Variants in ANKS6 observed in about 807,000 individuals in gnomAD.
ANKS6 encodes ankyrin repeat and SAM domain-containing protein 6.
In ANKS6, 47 loss-of-function variants were observed where a neutral mutation model predicts 77.9. That is an observed-to-expected ratio of 0.60 (90% CI 0.48 to 0.77). The LOEUF (loss-of-function observed/expected upper bound fraction) is 0.77. ANKS6 is among the 30% of genes least tolerant of loss of function. The pLI, the probability that ANKS6 is intolerant of heterozygous loss-of-function variation, is 0.00. For synonymous variants in ANKS6, 488 were observed against 501.7 expected (o/e 0.97, Z 0.37); for missense variants, 1,150 against 1,159.1 (o/e 0.99, Z 0.11).
chr9:98,796,235 G>T lies in ANKS6; in HGVS notation c.257C>A (p.Ala86Glu). The stretch of plus-strand genomic sequence containing the variant: ...CACCAGCGGTTCGTGGCCCCCGGCC[G>T]CGGCGAACTGCAGTGCGGTGTTGCC... ...EAGNTALQFA[A>E]AGGHEPLVRF... is the part of the protein sequence containing the mutation. Residue 86 changes from alanine (A) to glutamate (E), a missense_variant, in exon 1 of 15, where the codon GCG becomes GAG. Ala to Glu is a moderately radical substitution (Grantham distance 107). Coordinates refer to ENST00000353234, the MANE Select transcript of ANKS6 (RefSeq NM_173551.5). The T allele has an allele frequency of 2.1e-6, 3 of 1,405,714 alleles. No individual in the cohort carries two copies. Among genetic ancestry groups the T allele is most frequent in the African/African-American group, 1.5e-5 (1 of 67,388 alleles). 87.1% of individuals were successfully genotyped at this position (1,405,714 alleles called of 1,614,324 possible). A position where few individuals can be genotyped will look rare whatever the true frequency, so the allele number is the denominator to read the frequency against.
intron 11 of ANKS6, among the ~76,000 whole-genome samples, chr9:98,763,078 G>A (rs1398768274): frequency 6.6e-6 from 1 of 152,038 alleles, no homozygotes; most frequent in Non-Finnish European, 1.5e-5. Context: ...AGAACAAGTA[G>A]AGAGAAAATC....
chr9:98,774,758 C>T (rs1833834421), intron 8 of ANKS6, among the ~76,000 whole-genome samples: 1 of 152,252 alleles, frequency 6.6e-6, no homozygotes, highest in Non-Finnish European at 1.5e-5. Flanking sequence ...AGTATAAAAT[C>T]TACACAGTAA....
At chr9:98,770,559 G>A (rs186924627) in intron 10 of ANKS6, among the ~76,000 whole-genome samples, 1 of 152,192 alleles carries the variant, frequency 6.6e-6, no homozygotes, top group Admixed American at 6.5e-5. Context: ...GCTCAATGAA[G>A]GGGCAGAATG....
chr9:98,736,132 T>C lies in ANKS6; in HGVS notation c.*387A>G. On this transcript the variant is annotated 3_prime_UTR_variant, in exon 15 of 15. Transcript: ENST00000353234. Reference sequence around the variant, plus strand: ...AGGACGTGAGCAGGAGTGATGTGTGTCAGTTAAGAGCAAGGCAGGTAAGAA... The same window carrying C: ...AGGACGTGAGCAGGAGTGATGTGTGCCAGTTAAGAGCAAGGCAGGTAAGAA... 1 of 1,149,574 alleles carries C rather than the reference T, an allele frequency of 8.7e-7. No homozygotes were observed. The highest frequency in any genetic ancestry group is 1.1e-6 in the Non-Finnish European group (1 of 933,482). 71.2% of individuals were successfully genotyped at this position (1,149,574 alleles called of 1,614,324 possible).
rs566673265 is a variant in ANKS6 at position 98,770,362 on chromosome 9, C to T, written c.1972+534G>A. Among the ~76,000 whole-genome samples, 3 of 152,268 alleles carry T rather than the reference C, an allele frequency of 2.0e-5. No individual in the cohort carries two copies. In the East Asian group the frequency reaches 5.8e-4, roughly 29 times the overall value. ...TATGTCTTTATTAGCAGCGTGAGAA[C>T]AGACTAATACAGTGGCCTTCCTGCA... On this transcript the variant is annotated intron_variant, in intron 10 of 14. Coordinates refer to ENST00000353234, the MANE Select transcript of ANKS6 (RefSeq NM_173551.5).
chr9:98,767,635 A>G (rs1833373387), intron 11 of ANKS6, among the ~76,000 whole-genome samples: 1 of 152,360 alleles, frequency 6.6e-6, no homozygotes, highest in Non-Finnish European at 1.5e-5. Flanking sequence ...AACAAAGACC[A>G]CTAAGAACGC....
rs1482462757 is a variant in ANKS6, at chr9:98,749,457, C to CG, written c.2394+1571dup. Among the ~76,000 whole-genome samples, 16 of 152,338 alleles carry CG rather than the reference C, an allele frequency of 1.1e-4. No homozygotes were observed. The Middle Eastern group carries it at 0.017, about 162-fold the overall frequency. ...CTGTACGTCAGCTGAAACATACCCC[C>CG]GTTCCCTACGCTGGACAACCACAAC... On this transcript the variant is annotated intron_variant, in intron 13 of 14. Transcript: ENST00000353234.
In ANKS6 at chr9:98,790,430, T is replaced by G; in HGVS notation, c.536A>C (p.Gln179Pro). The change falls in exon 2 of 15, where the codon CAA becomes CCA. Residue 179 changes from glutamine to proline, a missense_variant. Coordinates refer to ENST00000353234, the MANE Select transcript of ANKS6 (RefSeq NM_173551.5). ...ATCCCTGCTGCCGCCCAACCCCAGT[T>G]GCTCGCCTGAAGGGTGGTGATGGTC... Reference protein sequence around the residue: ...FVDHHHPSGEQLGLGGSRDEP... With the variant: ...FVDHHHPSGEPLGLGGSRDEP... 6.2e-7 allele frequency: 1 copy of G among 1,613,774 alleles called. No individual in the cohort carries two copies. The highest frequency in any genetic ancestry group is 8.5e-7 in the Non-Finnish European group (1 of 1,180,006).
At chr9:98,772,292 C>T (rs1280580874) in intron 9 of ANKS6, among the ~76,000 whole-genome samples, 1 of 152,170 alleles carries the variant, frequency 6.6e-6, no homozygotes, top group East Asian at 1.9e-4. Context: ...AGCAATGTGA[C>T]CACGGAGGCC....
intron 11 of ANKS6, among the ~76,000 whole-genome samples, chr9:98,762,723 G>A (rs1833082242): frequency 6.6e-6 from 1 of 152,136 alleles, no homozygotes; most frequent in South Asian, 2.1e-4. Context: ...TTCCTGGGAT[G>A]AACCCCACTT....
intron 11 of ANKS6, among the ~76,000 whole-genome samples, chr9:98,767,341 C>T (rs1264582640): frequency 2.0e-5 from 3 of 152,118 alleles, no homozygotes; most frequent in Admixed American, 6.5e-5. Context: ...TGCACCAACA[C>T]CCCTGGCCCA....
chr9:98,783,801 C>T (rs557838913), intron 4 of ANKS6, 152 bp downstream of exon 4: 12 of 508,002 alleles, frequency 2.4e-5, no homozygotes, highest in Non-Finnish European at 2.7e-5. Context: ...GAGCCTGTGC[C>T]GCTTTTTTTT....
chr9:98,784,026 C>G lies in ANKS6; in HGVS notation c.1039G>C (p.Glu347Gln). Residue 347 changes from glutamate to glutamine, a missense_variant, in exon 4 of 15, where the codon GAG (glutamate) becomes CAG (glutamine). Coordinates refer to ENST00000353234, the MANE Select transcript of ANKS6 (RefSeq NM_173551.5). The stretch of plus-strand genomic sequence containing the variant: ...TGCTTGTCAACATCCGCGTGCCTCT[C>G]CACCAGCAGCTGCACCAGAGCCAGC... ...GQLALVQLLV[E>Q]RHADVDKQDS... The G allele has an allele frequency of 1.2e-6, 2 of 1,611,498 alleles. 1 individual carries two copies. The highest frequency in any genetic ancestry group is 2.2e-5 in the South Asian group (2 of 90,346).
At chr9:98,789,020 T>C (rs949343768) in intron 2 of ANKS6, among the ~76,000 whole-genome samples, 5 of 151,998 alleles carry the variant, frequency 3.3e-5, no homozygotes, top group African/African-American at 4.8e-5. Context: ...CTTGTTCTGA[T>C]TGGATGGTGT....
rs537321243 is a variant in ANKS6, at chr9:98,773,479, T to TA, written c.1821+397dup. On this transcript the variant is annotated intron_variant, in intron 9 of 14. Transcript: ENST00000353234. The stretch of plus-strand genomic sequence containing the variant: ...ACTCTTGGGCACAAGAAAACACCAG[T>TA]AGCACACAGAGTTGCCGCTGAGTGT... Among the ~76,000 whole-genome samples, 28 of 152,292 alleles carry TA rather than the reference T, an allele frequency of 1.8e-4. No homozygotes were observed. The East Asian group carries it at 5.4e-3, about 29-fold the overall frequency.
At chr9:98,774,408 G>T (rs1833812320) in intron 8 of ANKS6, among the ~76,000 whole-genome samples, 1 of 152,220 alleles carries the variant, frequency 6.6e-6, no homozygotes, top group African/African-American at 2.4e-5. Context: ...GAGGAGGGGT[G>T]CCCCTGCTGC....
Position 98,733,908 on chromosome 9 carries a change from G to A in ANKS6, c.*2611C>T, listed in dbSNP as rs1564166174. ...ATACTTTTGGGAAATGCTGGTGAAG[G>A]TTGCCAAGCAAGGGAGGTGCTTCTT... On this transcript the variant is annotated 3_prime_UTR_variant, in exon 15 of 15. Transcript: ENST00000353234. The A allele has an allele frequency of 1.0e-6, 1 of 985,468 alleles. No homozygotes were observed. The highest frequency in any genetic ancestry group is 1.1e-4 in the East Asian group (1 of 8,810). The allele number at this position is 985,468 out of a possible 1,614,324, so 61.0% of individuals were successfully genotyped here.
intron 14 of ANKS6, among the ~76,000 whole-genome samples, chr9:98,738,108 C>G (rs532690056): frequency 1.3e-5 from 2 of 152,236 alleles, no homozygotes; most frequent in South Asian, 2.1e-4. Flanking sequence ...AGATTTAAAT[C>G]TAAGACCTGA....
intron 5 of ANKS6, 41 bp from the exon 6 acceptor site, chr9:98,780,378 T>G: frequency 1.3e-6 from 2 of 1,538,766 alleles, no homozygotes; most frequent in Non-Finnish European, 1.8e-6. Context: ...CAAATATGTC[T>G]GTTGGGCCAT....
Sources: allele counts gnomAD v4.1 joint callset (sites outside exome capture counted in the v4.1 genomes callset), GRCh38; gene constraint gnomAD v4.1.1; transcripts MANE v1.5; gene names NCBI Gene and HGNC (gene_info 2026-07-23, HGNC 2026-07-21).